The following GPSM2 variants were observed in gnomAD, a reference collection of about 807,000 sequenced individuals.
GPSM2 encodes G protein signaling modulator 2.
A neutral mutation model predicts 78.4 loss-of-function variants in GPSM2; 58 were observed. The observed-to-expected ratio is 0.74, with a 90% confidence interval of 0.60 to 0.92. GPSM2 has a LOEUF of 0.92. Among genes scored for constraint, GPSM2 ranks in the 40% least tolerant of loss-of-function variants. GPSM2 has a pLI of 0.00. For missense variants in GPSM2, 700 were observed against 815.5 expected, an observed-to-expected ratio of 0.86 and a Z score of 1.73; for synonymous variants, 224 against 280.2, an observed-to-expected ratio of 0.80 and a Z score of 2.00.
intron 1 of GPSM2, among the ~76,000 whole-genome samples, chr1:108,881,710 C>G (rs1400172171): frequency 6.6e-6 from 1 of 152,092 alleles, no homozygotes; most frequent in Non-Finnish European, 1.5e-5. Flanking sequence ...ATAAATTGCT[C>G]TTATTGAAAT....
At chr1:108,907,662 G>C (rs979976919) in intron 10 of GPSM2, among the ~76,000 whole-genome samples, 4 of 152,158 alleles carry the variant, frequency 2.6e-5, no homozygotes, top group African/African-American at 9.7e-5. Flanking sequence ...AACATTTATT[G>C]AGTGCTTATG....
rs201572171 is a variant in GPSM2 at position 108,896,826 on chromosome 1, A to G, written c.57-38A>G. ...TTAAAAATACTGTGATGCAGCTGTA[A>G]TGTTATGTTTAAATGTCTGTCCTGT... On this transcript the variant is annotated intron_variant, in intron 2 of 14. Transcript: ENST00000264126. The G allele has an allele frequency of 6.7e-5, 94 of 1,408,494 alleles. 1 individual carries two copies. In the African/African-American group the frequency reaches 1.1e-3, roughly 17 times the overall value. The allele number at this position is 1,408,494 out of a possible 1,614,324, so 87.2% of individuals were successfully genotyped here. A position where few individuals can be genotyped will look rare whatever the true frequency, so the allele number is the denominator to read the frequency against.
Position 108,931,404 on chromosome 1 carries a change from C to CACTG in GPSM2, c.*1465_*1468dup, listed in dbSNP as rs1557887052. ...TGGGACAGACTGGGACCTGGAGTAA[C>CACTG]ACTGGATCACAGACTGCAAAGGCCC... On this transcript the variant is annotated 3_prime_UTR_variant, in exon 15 of 15. Transcript: ENST00000264126. The CACTG allele has an allele frequency of 6.4e-7, 1 of 1,551,104 alleles. No homozygotes were observed. The highest frequency in any genetic ancestry group is 1.2e-5 in the South Asian group (1 of 84,060).
At chr1:108,920,941 C>T (rs1377440296) in intron 12 of GPSM2, among the ~76,000 whole-genome samples, 2 of 152,142 alleles carry the variant, frequency 1.3e-5, no homozygotes, top group Non-Finnish European at 2.9e-5. Flanking sequence ...ACACATTTGA[C>T]TGTAGCTTAT....
intron 1 of GPSM2, among the ~76,000 whole-genome samples, chr1:108,879,937 T>C (rs1665815086): frequency 6.6e-6 from 1 of 152,236 alleles, no homozygotes; most frequent in South Asian, 2.1e-4. Context: ...TGTGTGCTTA[T>C]CCTGGAACAC....
intron 7 of GPSM2, among the ~76,000 whole-genome samples, chr1:108,900,268 T>C (rs921461413): frequency 1.3e-5 from 2 of 151,636 alleles, no homozygotes; most frequent in Admixed American, 6.6e-5. Context: ...ATACGGAGTT[T>C]TGCTCTTGTC....
chr1:108,904,246 G>T lies in GPSM2; in HGVS notation c.1184G>T (p.Ser395Ile). 6.3e-7 allele frequency: 1 copy of T among 1,592,188 alleles called. No individual in the cohort carries two copies. Among genetic ancestry groups the T allele is most frequent in the African/African-American group, 1.3e-5 (1 of 74,574 alleles). Residue 395 changes from serine to isoleucine, a missense_variant, in exon 10 of 15, where the codon AGT becomes ATT. Transcript: ENST00000264126. ...IMSENTEIDS[S>I]LNGVRPKLGR... is the part of the protein sequence containing the mutation. ...TCTGAAAATACTGAAATTGATAGCA[G>T]TTTGAATGGTAAGTAATAGGACTTT...
chr1:108,900,324 C>T (rs934727728), intron 7 of GPSM2, among the ~76,000 whole-genome samples: 4 of 151,120 alleles, frequency 2.6e-5, no homozygotes, highest in Non-Finnish European at 4.4e-5. Flanking sequence ...ACTGCAACCT[C>T]GGCCTCCCCG....
In GPSM2 at chr1:108,897,570, C is replaced by T. The variant is rs1349637917; in HGVS notation, c.357C>T (p.Asp119=). 5.6e-6 allele frequency: 9 copies of T among 1,613,052 alleles called. No individual in the cohort carries two copies. The highest frequency in any genetic ancestry group is 1.3e-5 in the African/African-American group (1 of 74,732). The part of the protein sequence containing the change: ...GNTLKVLGNF[D]EAIVCCQRHL... Reference sequence around the variant, plus strand: ...CCTTAAAAGTTCTTGGGAATTTTGACGAAGCCATAGTTTGTTGTCAGCGAC... The same window carrying T: ...CCTTAAAAGTTCTTGGGAATTTTGATGAAGCCATAGTTTGTTGTCAGCGAC... The change falls in exon 4 of 15, where the codon GAC becomes GAT. Residue 119 remains aspartate, a synonymous_variant. Transcript: ENST00000264126.
intron 7 of GPSM2, among the ~76,000 whole-genome samples, chr1:108,899,398 C>G (rs79931830): frequency 6.6e-6 from 1 of 151,974 alleles, no homozygotes; most frequent in Non-Finnish European, 1.5e-5. Context: ...GAAGAGAGGC[C>G]AAAAGAAAGC....
rs149859988 is a variant in GPSM2, at chr1:108,884,035, C to T, written c.-248-1240C>T. Among the ~76,000 whole-genome samples, 310 of 152,138 alleles carry T rather than the reference C, an allele frequency of 2.0e-3. 2 individuals carry two copies. The highest frequency in any genetic ancestry group is 7.2e-3 in the African/African-American group (299 of 41,482). On this transcript the variant is annotated intron_variant, in intron 1 of 14. Coordinates refer to ENST00000264126, the MANE Select transcript of GPSM2 (RefSeq NM_013296.5). Reference sequence around the variant, plus strand: ...CAGGCTCACTGCAACCTCCACCTCCCGGGTTCAAGTGATTCTCATGCCTCA... The same window carrying T: ...CAGGCTCACTGCAACCTCCACCTCCTGGGTTCAAGTGATTCTCATGCCTCA...
intron 2 of GPSM2, among the ~76,000 whole-genome samples, chr1:108,889,978 A>G (rs750364337): frequency 3.9e-5 from 6 of 152,108 alleles, no homozygotes; most frequent in Non-Finnish European, 7.4e-5. Flanking sequence ...GTCTTTGCTC[A>G]TGCTATGCCC....
At chr1:108,887,248 T>A (rs932024726) in intron 2 of GPSM2, among the ~76,000 whole-genome samples, 2 of 148,862 alleles carry the variant, frequency 1.3e-5, no homozygotes, top group East Asian at 3.9e-4. Context: ...CTAATGCAAA[T>A]TTTTTTTTAA....
At chr1:108,916,224 A>G (rs1650215129) in intron 11 of GPSM2, among the ~76,000 whole-genome samples, 1 of 151,574 alleles carries the variant, frequency 6.6e-6, no homozygotes, top group African/African-American at 2.4e-5. Flanking sequence ...GTGGCACTGC[A>G]CTCTAGCCTG....
intron 2 of GPSM2, 76 bp downstream of exon 2, chr1:108,885,654 AGTTT>A: frequency 1.1e-6 from 1 of 884,896 alleles, no homozygotes; most frequent in Non-Finnish European, 1.9e-6. Flanking sequence ...GACCATTTCA[AGTTT>A]CAGTTGAAAA....
intron 2 of GPSM2, among the ~76,000 whole-genome samples, chr1:108,896,177 C>T (rs1557860929): frequency 6.6e-6 from 1 of 152,110 alleles, no homozygotes; most frequent in Admixed American, 6.5e-5. Context: ...CCTTCTTTTT[C>T]AATTCAGGGA....
chr1:108,915,987 A>G (rs1033246123), intron 11 of GPSM2, among the ~76,000 whole-genome samples: 1 of 150,758 alleles, frequency 6.6e-6, no homozygotes, highest in Non-Finnish European at 1.5e-5. Context: ...CATGCCTGTA[A>G]TCCCAGCACT....
intron 14 of GPSM2, among the ~76,000 whole-genome samples, chr1:108,924,625 C>A (rs1265060321): frequency 6.6e-6 from 1 of 152,058 alleles, no homozygotes; most frequent in Non-Finnish European, 1.5e-5. Context: ...GAACAGAGAC[C>A]TGAATGCAGT....
rs1199686099 is a variant in GPSM2, at chr1:108,932,440, TCAA to T, written c.*2506_*2508del. ...GTCTTTCCTGAATTGCTGTCATCATTCAACAACAGTTGCATGTCGCCTTGCTAG... is the reference window on the plus strand; with the variant it reads ...GTCTTTCCTGAATTGCTGTCATCATTCAACAGTTGCATGTCGCCTTGCTAG... On this transcript the variant is annotated 3_prime_UTR_variant, in exon 15 of 15. Coordinates refer to ENST00000264126, the MANE Select transcript of GPSM2 (RefSeq NM_013296.5). 1 of 152,212 alleles carries T rather than the reference TCAA, an allele frequency of 6.6e-6. No homozygotes were observed. Among genetic ancestry groups the T allele is most frequent in the Non-Finnish European group, 1.5e-5 (1 of 68,032 alleles). The allele number at this position is 152,212 out of a possible 1,614,324, so 9.4% of individuals were successfully genotyped here.
Sources: gnomAD v4.1 joint callset for allele counts (sites outside exome capture counted in the v4.1 genomes callset) on GRCh38, gnomAD v4.1.1 for gene constraint, MANE v1.5 for transcripts, NCBI Gene and HGNC (gene_info 2026-07-23, HGNC 2026-07-21) for gene names.